The following MAGI2 variants were observed in gnomAD, a reference collection of about 807,000 sequenced individuals.
MAGI2 encodes the protein membrane associated guanylate kinase, WW and PDZ domain containing 2.
In MAGI2, 35 loss-of-function variants were observed where a neutral mutation model predicts 133.3. The ratio of observed to expected loss-of-function variants is 0.26; its 90% CI spans 0.20 to 0.35. The LOEUF (loss-of-function observed/expected upper bound fraction) is 0.35. Ranked by LOEUF, MAGI2 falls within the 10% of genes least tolerant of loss-of-function variation. The pLI is 1.00. For missense variants in MAGI2, 1,636 were observed against 1,863.4 expected, an observed-to-expected ratio of 0.88 and a Z score of 2.25; for synonymous variants, 729 against 710.6, an observed-to-expected ratio of 1.03 and a Z score of -0.41.
intron 2 of MAGI2, among the ~76,000 whole-genome samples, chr7:78,724,821 G>A (rs553851919): frequency 6.6e-6 from 1 of 152,210 alleles, no homozygotes; most frequent in South Asian, 2.1e-4. Context: ...ATGCATAACA[G>A]CACTTGCCAG....
At chr7:79,064,843 G>A (rs1371477336) in intron 1 of MAGI2, among the ~76,000 whole-genome samples, 3 of 152,060 alleles carry the variant, frequency 2.0e-5, no homozygotes, top group African/African-American at 7.2e-5. Context: ...GAAGTGATGT[G>A]TTAAATTTGT....
At chr7:78,080,453 CG>C in intron 20 of MAGI2, among the ~76,000 whole-genome samples, 1 of 152,290 alleles carries the variant, frequency 6.6e-6, no homozygotes, top group East Asian at 1.9e-4. Flanking sequence ...TCTGAGGCAA[CG>C]GGCATAACTT....
At chr7:79,376,167 T>C (rs1843365998) in intron 1 of MAGI2, among the ~76,000 whole-genome samples, 1 of 151,810 alleles carries the variant, frequency 6.6e-6, no homozygotes, top group African/African-American at 2.4e-5. Context: ...TGTTCAAAGC[T>C]CCCCAGTGAC....
intron 4 of MAGI2, among the ~76,000 whole-genome samples, chr7:78,516,494 A>G (rs1177837150): frequency 6.6e-6 from 1 of 152,152 alleles, no homozygotes; most frequent in Non-Finnish European, 1.5e-5. Flanking sequence ...CTGGGACTAC[A>G]GATGTGTACC....
At chr7:79,003,700 G>A (rs2116486386) in intron 2 of MAGI2, among the ~76,000 whole-genome samples, 1 of 152,240 alleles carries the variant, frequency 6.6e-6, no homozygotes, top group African/African-American at 2.4e-5. Flanking sequence ...CACCCTTTCT[G>A]AACATATTTG....
At chr7:79,163,928 CT>C (rs796672786) in intron 1 of MAGI2, among the ~76,000 whole-genome samples, 52 of 151,866 alleles carry the variant, frequency 3.4e-4, no homozygotes, top group East Asian at 1.4e-3. Flanking sequence ...ATTTTTTCTT[CT>C]TTTTTTTAGA....
chr7:78,567,585 A>G (rs1163615795), intron 3 of MAGI2, among the ~76,000 whole-genome samples: 1 of 152,162 alleles, frequency 6.6e-6, no homozygotes, highest in Non-Finnish European at 1.5e-5. Context: ...CTATATGTAC[A>G]AGAATAAACA....
intron 1 of MAGI2, among the ~76,000 whole-genome samples, chr7:79,237,224 G>A (rs10250714): frequency 0.021 from 3,259 of 152,238 alleles, 130 homozygotes; most frequent in African/African-American, 0.074. Flanking sequence ...TGCCGGGCGC[G>A]GTGGCTCACG....
At chr7:78,396,791 T>C (rs1249800294) in intron 6 of MAGI2, among the ~76,000 whole-genome samples, 1 of 152,128 alleles carries the variant, frequency 6.6e-6, no homozygotes, top group African/African-American at 2.4e-5. Context: ...TGATGTGATG[T>C]CTGAAAGGAT....
chr7:78,760,552 G>A (rs1824406647), intron 2 of MAGI2, among the ~76,000 whole-genome samples: 1 of 151,806 alleles, frequency 6.6e-6, no homozygotes. Flanking sequence ...TAGTAGAGAT[G>A]GGGTTCCTTC....
At chr7:79,416,376 G>A (rs1216274971) in intron 1 of MAGI2, among the ~76,000 whole-genome samples, 14 of 151,878 alleles carry the variant, frequency 9.2e-5, no homozygotes, top group Admixed American at 9.2e-4. Flanking sequence ...GAGAAGAGGA[G>A]AGAGAGAGAA....
chr7:78,049,960 C>G (rs578052236), intron 21 of MAGI2, among the ~76,000 whole-genome samples: 1 of 152,164 alleles, frequency 6.6e-6, no homozygotes, highest in East Asian at 1.9e-4. Flanking sequence ...ATGAAATGCT[C>G]ACTCTAACAT....
At chr7:78,752,663 A>AT (rs941444263) in intron 2 of MAGI2, among the ~76,000 whole-genome samples, 4 of 152,132 alleles carry the variant, frequency 2.6e-5, no homozygotes, top group African/African-American at 9.7e-5. Flanking sequence ...TATTCTGATA[A>AT]TTTTTTTAGT....
chr7:78,320,877 T>C (rs1293250845), intron 9 of MAGI2, among the ~76,000 whole-genome samples: 2 of 152,150 alleles, frequency 1.3e-5, no homozygotes, highest in South Asian at 4.1e-4. Context: ...GAAAACCCCA[T>C]GGTCTCAGCC....
At chr7:79,023,351 A>G (rs910703768) in intron 1 of MAGI2, among the ~76,000 whole-genome samples, 9 of 152,160 alleles carry the variant, frequency 5.9e-5, no homozygotes, top group African/African-American at 1.7e-4. Flanking sequence ...AATAAAAGCT[A>G]TCTATGAAAA....
At chr7:78,096,553 G>T (rs1195630170) in intron 20 of MAGI2, among the ~76,000 whole-genome samples, 2 of 152,128 alleles carry the variant, frequency 1.3e-5, no homozygotes, top group East Asian at 3.8e-4. Flanking sequence ...AGTTAACATT[G>T]GAATTAATGT....
rs1354079193 is a variant in MAGI2, at chr7:78,573,245, T to TATATAA, written c.539-51601_539-51600insTTATAT. Reference sequence around the variant, plus strand: ...ATATATAAATATAAATATATATATATAAATATATATAAATATAAATATATA... The same window carrying TATATAA: ...ATATATAAATATAAATATATATATATATATAAAAATATATATAAATATAAATATATA... On this transcript the variant is annotated intron_variant, in intron 3 of 21. Coordinates refer to ENST00000354212, the MANE Select transcript of MAGI2 (RefSeq NM_012301.4). Among the ~76,000 whole-genome samples, 68 of 52,426 alleles carry TATATAA rather than the reference T, an allele frequency of 1.3e-3. 3 individuals are homozygous for TATATAA. The highest frequency in any genetic ancestry group is 5.6e-3 in the African/African-American group (64 of 11,378). The allele number at this position is 52,426 out of a possible 152,430, so 34.4% of individuals were successfully genotyped here. A position where few individuals can be genotyped will look rare whatever the true frequency, so the allele number is the denominator to read the frequency against.
chr7:78,949,234 C>A (rs1271062585), intron 2 of MAGI2, among the ~76,000 whole-genome samples: 1 of 152,098 alleles, frequency 6.6e-6, no homozygotes, highest in Non-Finnish European at 1.5e-5. Flanking sequence ...TAGAAAAGTT[C>A]TATGATGGCA....
intron 1 of MAGI2, among the ~76,000 whole-genome samples, chr7:79,369,165 G>A (rs1441133457): frequency 6.6e-6 from 1 of 152,136 alleles, no homozygotes; most frequent in Non-Finnish European, 1.5e-5. Context: ...GGGCTTGAGA[G>A]CAGGCTTTAG....
Sources: gnomAD v4.1 joint callset for allele counts (sites outside exome capture counted in the v4.1 genomes callset) on GRCh38, gnomAD v4.1.1 for gene constraint, MANE v1.5 for transcripts, NCBI Gene and HGNC (gene_info 2026-07-23, HGNC 2026-07-21) for gene names.